RGS3: variants seen among roughly 807,000 people sequenced by gnomAD.
The protein encoded by RGS3 is regulator of G protein signaling 3, also known as regulator of G-protein signalling 3.
In RGS3, 80 loss-of-function variants were observed where a neutral mutation model predicts 132.6. That is an observed-to-expected ratio of 0.60 (90% CI 0.50 to 0.73). The LOEUF is 0.73. RGS3 is among the 30% of genes least tolerant of loss of function. RGS3 has a pLI of 0.00. For missense variants in RGS3, 1,382 were observed against 1,530.8 expected (o/e 0.90, Z 1.62); for synonymous variants, 598 against 620.6 (o/e 0.96, Z 0.54).
chr9:113,515,122 G>A (rs1831590130), intron 15 of RGS3, among the ~76,000 whole-genome samples: 3 of 152,218 alleles, frequency 2.0e-5, no homozygotes, highest in African/African-American at 7.2e-5. Flanking sequence ...TCACTAGATC[G>A]CTCTTATTCT....
chr9:113,506,116 G>A lies in RGS3; in HGVS notation c.980-272G>A, dbSNP rs559230881. Among the ~76,000 whole-genome samples, 4 of 152,168 alleles carry A rather than the reference G, an allele frequency of 2.6e-5. No individual in the cohort carries two copies. The highest frequency in any genetic ancestry group is 2.1e-4 in the South Asian group (1 of 4,822). On this transcript the variant is annotated intron_variant, in intron 11 of 24. Transcript: ENST00000350696. The surrounding 1 kb of genome is among the most constrained non-coding windows in gnomAD (Gnocchi z 4.7). Reference sequence around the variant, plus strand: ...AGGCCCTGGGGAGGGGTAAGGGCCCGGGTAGAAGGGTGGACTGCAGAGAGG... The same window carrying A: ...AGGCCCTGGGGAGGGGTAAGGGCCCAGGTAGAAGGGTGGACTGCAGAGAGG...
intron 1 of RGS3, among the ~76,000 whole-genome samples, chr9:113,450,971 A>G (rs541946238): frequency 6.6e-6 from 1 of 152,142 alleles, no homozygotes; most frequent in African/African-American, 2.4e-5. Context: ...CGAGGTCAGG[A>G]GTTCAAGACC....
intron 19 of RGS3, among the ~76,000 whole-genome samples, chr9:113,562,868 G>C (rs1588254750): frequency 2.0e-5 from 3 of 152,218 alleles, no homozygotes; most frequent in African/African-American, 7.2e-5. Flanking sequence ...CAGTTTCACT[G>C]ACTGTAAATG....
chr9:113,452,364 G>C (rs1239584582), intron 1 of RGS3, among the ~76,000 whole-genome samples: 1 of 150,770 alleles, frequency 6.6e-6, no homozygotes, highest in Non-Finnish European at 1.5e-5. Flanking sequence ...CATAGTTTCT[G>C]ATGAGACGTC....
intron 3 of RGS3, among the ~76,000 whole-genome samples, chr9:113,462,608 T>G (rs186955991): frequency 6.6e-6 from 1 of 152,350 alleles, no homozygotes; most frequent in Admixed American, 6.5e-5. Context: ...GCATGTCACC[T>G]GTCTTCTCTG....
intron 7 of RGS3, among the ~76,000 whole-genome samples, chr9:113,491,325 C>T (rs1443050121): frequency 6.7e-6 from 1 of 150,358 alleles, no homozygotes; most frequent in Non-Finnish European, 1.5e-5. Flanking sequence ...AATCTCAGCT[C>T]ACTGCAAACT....
At chr9:113,521,734 T>C (rs922651755) in intron 16 of RGS3, among the ~76,000 whole-genome samples, 2 of 152,220 alleles carry the variant, frequency 1.3e-5, no homozygotes, top group Non-Finnish European at 2.9e-5. Context: ...TACCTCCTTG[T>C]AAGTATTTCT....
chr9:113,461,480 A>C (rs1033417277), intron 1 of RGS3, among the ~76,000 whole-genome samples: 12 of 152,120 alleles, frequency 7.9e-5, no homozygotes, highest in Non-Finnish European at 1.6e-4. Flanking sequence ...TTTTAGGAAA[A>C]GGAAGCTTCC....
intron 19 of RGS3, among the ~76,000 whole-genome samples, chr9:113,554,275 A>T (rs1309993157): frequency 6.6e-6 from 1 of 152,202 alleles, no homozygotes; most frequent in East Asian, 1.9e-4. Flanking sequence ...ATCTTAATTG[A>T]CATTTATTTC....
chr9:113,582,557 C>G (rs944573822), intron 19 of RGS3: 7 of 152,216 alleles, frequency 4.6e-5, no homozygotes, highest in Admixed American at 1.3e-4. Flanking sequence ...TGAGAACTGC[C>G]TCCCTGTGTG....
chr9:113,565,486 AC>A lies in RGS3; in HGVS notation c.2038-17962del. On this transcript the variant is annotated intron_variant, in intron 19 of 24. Coordinates refer to ENST00000350696, the Ensembl canonical transcript of RGS3. This position sits in a 1 kb window ranked among gnomAD's most constrained non-coding sequence, Gnocchi z 5.7. ...GCGCTACCTAGATGTGGGAGGTGGAACCTGGTCATTTGGTTCTGCTTTTCCT... is the reference window on the plus strand; with the variant it reads ...GCGCTACCTAGATGTGGGAGGTGGAACTGGTCATTTGGTTCTGCTTTTCCT... 1 of 834,776 alleles carries A rather than the reference AC, an allele frequency of 1.2e-6. No individual in the cohort carries two copies. The highest frequency in any genetic ancestry group is 1.7e-6 in the Non-Finnish European group (1 of 590,144). 51.7% of individuals were successfully genotyped at this position (834,776 alleles called of 1,614,324 possible).
At chr9:113,552,147 CTT>C (rs564641304) in intron 19 of RGS3, among the ~76,000 whole-genome samples, 3 of 151,888 alleles carry the variant, frequency 2.0e-5, no homozygotes, top group Admixed American at 6.6e-5. Context: ...TTTTTTAACT[CTT>C]AATATTTTAA....
chr9:113,483,930 G>A (rs1830242164), intron 5 of RGS3, among the ~76,000 whole-genome samples: 1 of 152,222 alleles, frequency 6.6e-6, no homozygotes, highest in East Asian at 1.9e-4. Context: ...CCCACCATGA[G>A]GCCCTGTCCT....
At chr9:113,564,867 T>G in intron 19 of RGS3, 1 of 946,140 alleles carries the variant, frequency 1.1e-6, no homozygotes, top group Non-Finnish European at 1.3e-6. Flanking sequence ...GGAGCCTGGG[T>G]TCAGTTGCAG....
rs774689229 is a variant in RGS3 at position 113,584,083 on chromosome 9, G to C, written c.2671G>C (p.Gly891Arg). The C allele has an allele frequency of 6.2e-6, 10 of 1,614,206 alleles. No individual in the cohort carries two copies. In the African/African-American group the frequency reaches 1.3e-4, roughly 22 times the overall value. ...AGAAGAGGCCGAGGAGGTGGAGGAG[G>C]GGGAGGAAGGGGAGGAGGACGAGGA... Residue 891 changes from glycine to arginine, a missense_variant, in exon 20 of 25, where the codon GGG becomes CGG. By Grantham distance (125) the Gly-to-Arg change is moderately radical. Transcript: ENST00000350696.
At chr9:113,494,312 T>C (rs1431446227) in intron 7 of RGS3, among the ~76,000 whole-genome samples, 1 of 152,214 alleles carries the variant, frequency 6.6e-6, no homozygotes, top group Non-Finnish European at 1.5e-5. Context: ...ACCTACCAGA[T>C]ATGACCATTG....
At chr9:113,572,933 C>T (rs1354352218) in intron 19 of RGS3, among the ~76,000 whole-genome samples, 1 of 152,376 alleles carries the variant, frequency 6.6e-6, no homozygotes, top group Non-Finnish European at 1.5e-5. Context: ...CAGAATACGT[C>T]AAGTGCCCTG....
rs376517741 is a variant in RGS3 at position 113,565,293 on chromosome 9, G to C, written c.2038-18157G>C. On this transcript the variant is annotated intron_variant, in intron 19 of 24. Transcript: ENST00000350696. This position sits in a 1 kb window ranked among gnomAD's most constrained non-coding sequence, Gnocchi z 5.7. Reference sequence around the variant, plus strand: ...GATGAAAGTGCTTTGAGAAACCACAGAGTTTTCTGTTTAATGGAAGAAAGA... The same window carrying C: ...GATGAAAGTGCTTTGAGAAACCACACAGTTTTCTGTTTAATGGAAGAAAGA... The C allele has an allele frequency of 1.6e-6, 2 of 1,289,668 alleles. No individual in the cohort carries two copies. Among genetic ancestry groups the C allele is most frequent in the African/African-American group, 3.0e-5 (2 of 65,952 alleles). 79.9% of individuals were successfully genotyped at this position (1,289,668 alleles called of 1,614,324 possible). A position where few individuals can be genotyped will look rare whatever the true frequency, so the allele number is the denominator to read the frequency against.
In RGS3 at chr9:113,484,165, C is replaced by CT; in HGVS notation, c.554dup (p.Arg186ThrfsTer29). On this transcript the variant is annotated frameshift_variant, in exon 6 of 25. Transcript: ENST00000350696. LOFTEE classifies it high-confidence loss of function. ...TTCTTTGATCCCTGAAGATAGTAGA[C>CT]TACGCCACCAGAAGACGCAGACCGT... is the stretch of plus-strand genomic sequence containing the variant. 1 of 1,612,052 alleles carries CT rather than the reference C, an allele frequency of 6.2e-7. No homozygotes were observed. The highest frequency in any genetic ancestry group is 1.7e-5 in the Admixed American group (1 of 59,996).
Sources: gnomAD v4.1 joint callset for allele counts (sites outside exome capture counted in the v4.1 genomes callset) on GRCh38, gnomAD v4.1.1 for gene constraint, Gnocchi (gnomAD v3.1) non-coding constraint, MANE v1.5 for transcripts, NCBI Gene and HGNC (gene_info 2026-07-23, HGNC 2026-07-21) for gene names.